The following EPB41L4B variants were observed in gnomAD, a reference collection of about 807,000 sequenced individuals.
The protein encoded by EPB41L4B is erythrocyte membrane protein band 4.1 like 4B, also known as band 4.1-like protein 4B.
In EPB41L4B, 30 loss-of-function variants were observed where a neutral mutation model predicts 112.5. The ratio of observed to expected loss-of-function variants is 0.27; its 90% CI spans 0.20 to 0.36. EPB41L4B has a LOEUF of 0.36. Among genes scored for constraint, EPB41L4B ranks in the 10% least tolerant of loss-of-function variants. The pLI is 1.00. For missense variants in EPB41L4B, 1,024 were observed against 1,133.3 expected (o/e 0.90, Z 1.38); for synonymous variants, 408 against 439.7 (o/e 0.93, Z 0.90).
chr9:109,307,861 C>T (rs1480505546), intron 1 of EPB41L4B, among the ~76,000 whole-genome samples: 6 of 152,104 alleles, frequency 3.9e-5, no homozygotes, highest in African/African-American at 9.7e-5. Context: ...CAAAGAGGCT[C>T]GCTGGATGTC....
Position 109,256,471 on chromosome 9 carries a change from G to T in EPB41L4B, c.762C>A (p.Ser254Arg). The T allele has an allele frequency of 3.7e-6, 6 of 1,614,008 alleles. No homozygotes were observed. The highest frequency in any genetic ancestry group is 5.1e-6 in the Non-Finnish European group (6 of 1,179,956). Residue 254 changes from serine (S) to arginine (R), a missense_variant, in exon 8 of 26, where the codon AGC becomes AGA. Ser to Arg is a moderately radical substitution (Grantham distance 110). Coordinates refer to ENST00000374566, the MANE Select transcript of EPB41L4B (RefSeq NM_019114.5). Reference protein sequence around the residue: ...FQRWKECRGKSPAQAELSYLN... With the variant: ...FQRWKECRGKRPAQAELSYLN... ...GATAGGAGAGTTCCGCCTGGGCAGG[G>T]CTCTTTCCCCTTAGAAAAACCAATG... is the stretch of plus-strand genomic sequence containing the variant.
At chr9:109,284,724 CA>C (rs1464183232) in intron 1 of EPB41L4B, among the ~76,000 whole-genome samples, 4 of 152,242 alleles carry the variant, frequency 2.6e-5, no homozygotes, top group Non-Finnish European at 5.9e-5. Context: ...CAAGTTTTAA[CA>C]GTGATCTTCT....
In EPB41L4B at chr9:109,247,994, G is replaced by A. The variant is rs111846534; in HGVS notation, c.1311-205C>T. Among the ~76,000 whole-genome samples, 793 of 152,256 alleles carry A rather than the reference G, an allele frequency of 5.2e-3. 13 individuals carry two copies. Among genetic ancestry groups the A allele is most frequent in the African/African-American group, 0.018 (750 of 41,540 alleles). ...AAACCCCAGACAGCAACTTTCACTTGTCCTTTTAGAGCTCACAAACAGAAA... is the reference window on the plus strand; with the variant it reads ...AAACCCCAGACAGCAACTTTCACTTATCCTTTTAGAGCTCACAAACAGAAA... On this transcript the variant is annotated intron_variant, in intron 13 of 25. Transcript: ENST00000374566.
intron 25 of EPB41L4B, among the ~76,000 whole-genome samples, chr9:109,176,338 T>C (rs893486507): frequency 2.0e-5 from 3 of 152,200 alleles, no homozygotes; most frequent in African/African-American, 7.2e-5. Flanking sequence ...AGGCTGGTCT[T>C]GAACTCCTGA....
intron 1 of EPB41L4B, among the ~76,000 whole-genome samples, chr9:109,302,900 T>C (rs1837027620): frequency 6.6e-6 from 1 of 151,864 alleles, no homozygotes. Context: ...AATATAAAGA[T>C]TAAGCTTACA....
chr9:109,178,467 C>G (rs1243757028), intron 24 of EPB41L4B, among the ~76,000 whole-genome samples: 1 of 151,918 alleles, frequency 6.6e-6, no homozygotes, highest in Non-Finnish European at 1.5e-5. Flanking sequence ...CCTCTGCCTC[C>G]CAGGTTCAAG....
intron 16 of EPB41L4B, among the ~76,000 whole-genome samples, chr9:109,216,473 T>C (rs187457812): frequency 2.6e-5 from 4 of 152,106 alleles, no homozygotes; most frequent in Non-Finnish European, 5.9e-5. Context: ...AAAATCTGTC[T>C]CTACTAAAAA....
At chr9:109,205,715 C>T (rs1832970691) in intron 18 of EPB41L4B, among the ~76,000 whole-genome samples, 3 of 152,326 alleles carry the variant, frequency 2.0e-5, no homozygotes, top group Admixed American at 1.3e-4. Flanking sequence ...GTTGTCAATA[C>T]CTCTGCAGTG....
At chr9:109,223,627 G>C (rs1210493370) in intron 15 of EPB41L4B, among the ~76,000 whole-genome samples, 1 of 152,022 alleles carries the variant, frequency 6.6e-6, no homozygotes, top group African/African-American at 2.4e-5. Context: ...GGGAGCCCTG[G>C]GGATCTAATC....
At chr9:109,215,954 G>C (rs1255920786) in intron 16 of EPB41L4B, among the ~76,000 whole-genome samples, 1 of 152,076 alleles carries the variant, frequency 6.6e-6, no homozygotes, top group African/African-American at 2.4e-5. Context: ...GCAAGACCCT[G>C]TCATAAAATA....
intron 18 of EPB41L4B, among the ~76,000 whole-genome samples, chr9:109,206,204 G>A (rs1003965162): frequency 2.0e-5 from 3 of 152,066 alleles, no homozygotes; most frequent in Non-Finnish European, 2.9e-5. Context: ...TTTTTTGTGA[G>A]ACGGAGTCTC....
At chr9:109,288,535 A>T (rs1485903879) in intron 1 of EPB41L4B, among the ~76,000 whole-genome samples, 2 of 151,886 alleles carry the variant, frequency 1.3e-5, no homozygotes, top group Non-Finnish European at 1.5e-5. Flanking sequence ...CCTGGCTAAC[A>T]CGGTGAAACC....
intron 2 of EPB41L4B, among the ~76,000 whole-genome samples, chr9:109,277,774 G>A (rs1409955000): frequency 6.6e-6 from 1 of 152,188 alleles, no homozygotes; most frequent in African/African-American, 2.4e-5. Flanking sequence ...GCAGGAGAAG[G>A]CTGGGAGGGG....
intron 2 of EPB41L4B, among the ~76,000 whole-genome samples, 179 bp from the exon 3 acceptor site, chr9:109,268,612 A>G (rs1588190687): frequency 6.6e-6 from 1 of 152,248 alleles, no homozygotes; most frequent in East Asian, 1.9e-4. Context: ...AAAAAATTCA[A>G]CGTTGGCCGG....
At chr9:109,291,403 G>A (rs757381266) in intron 1 of EPB41L4B, among the ~76,000 whole-genome samples, 11 of 152,166 alleles carry the variant, frequency 7.2e-5, no homozygotes, top group Admixed American at 5.9e-4. Flanking sequence ...CAGATCTCAC[G>A]GTGGGGAGGC....
intron 16 of EPB41L4B, among the ~76,000 whole-genome samples, chr9:109,215,081 G>A (rs1034273140): frequency 6.6e-6 from 1 of 152,108 alleles, no homozygotes; most frequent in Non-Finnish European, 1.5e-5. Context: ...TGTTCCCTGT[G>A]GCCCCAAGGT....
chr9:109,233,802 G>A (rs539461142), intron 15 of EPB41L4B, among the ~76,000 whole-genome samples: 31 of 152,206 alleles, frequency 2.0e-4, no homozygotes, highest in South Asian at 1.9e-3. Flanking sequence ...AAAGTGCTAC[G>A]ATTACAGGCA....
chr9:109,293,773 T>C (rs979242204), intron 1 of EPB41L4B, among the ~76,000 whole-genome samples: 2 of 151,182 alleles, frequency 1.3e-5, no homozygotes, highest in Non-Finnish European at 2.9e-5. Flanking sequence ...AGGAGAAAGA[T>C]GTTAACGATA....
intron 1 of EPB41L4B, among the ~76,000 whole-genome samples, chr9:109,288,751 A>AAAAAAAAAAC (rs1836405452): frequency 6.8e-6 from 1 of 147,692 alleles, no homozygotes; most frequent in South Asian, 2.2e-4. Context: ...AAAAAAAAAA[A>AAAAAAAAAAC]AAAGCTGGGT....
Sources: gnomAD v4.1 joint callset for allele counts (sites outside exome capture counted in the v4.1 genomes callset) on GRCh38, gnomAD v4.1.1 for gene constraint, MANE v1.5 for transcripts, NCBI Gene and HGNC (gene_info 2026-07-23, HGNC 2026-07-21) for gene names.